CDH13: variants seen among roughly 807,000 people sequenced by gnomAD.
CDH13 encodes the protein cadherin 13.
Under a neutral mutation model 63.8 loss-of-function variants are expected in CDH13, and 24 were observed. The ratio of observed to expected loss-of-function variants is 0.38; its 90% CI spans 0.27 to 0.53. The LOEUF (loss-of-function observed/expected upper bound fraction) is 0.53. CDH13 is among the 20% of genes least tolerant of loss of function. The pLI is 0.85. For synonymous variants in CDH13, 503 were observed against 355.3 expected, an observed-to-expected ratio of 1.42 and a Z score of -4.67; for missense variants, 1,049 against 903.1, an observed-to-expected ratio of 1.16 and a Z score of -2.07.
rs987748793 is a variant in CDH13, at chr16:82,745,620, G to A, written c.46-112742G>A. Among the ~76,000 whole-genome samples the A allele has an allele frequency of 2.0e-4, 30 of 152,128 alleles. 1 individual carries two copies. The Middle Eastern group carries it at 0.02, about 103-fold the overall frequency. Reference sequence around the variant, plus strand: ...CTCTGTCTCAAAAAAAAGTCTTACTGTACCATATGTATGTGGTTCCATCAT... The same window carrying A: ...CTCTGTCTCAAAAAAAAGTCTTACTATACCATATGTATGTGGTTCCATCAT... On this transcript the variant is annotated intron_variant, in intron 1 of 13. Coordinates refer to ENST00000567109, the MANE Select transcript of CDH13 (RefSeq NM_001257.5).
chr16:83,576,207 G>C (rs1230035420), intron 7 of CDH13, among the ~76,000 whole-genome samples: 1 of 152,086 alleles, frequency 6.6e-6, no homozygotes, highest in African/African-American at 2.4e-5. Context: ...CCTCCTTTCT[G>C]TCTCTATGGA....
At chr16:82,849,581 T>C (rs1276870106) in intron 1 of CDH13, among the ~76,000 whole-genome samples, 3 of 152,180 alleles carry the variant, frequency 2.0e-5, no homozygotes, top group Non-Finnish European at 4.4e-5. Context: ...ATCCAGAAGA[T>C]CTAGCTAAGA....
intron 6 of CDH13, among the ~76,000 whole-genome samples, chr16:83,355,728 G>A (rs2091038932): frequency 6.6e-6 from 1 of 152,192 alleles, no homozygotes; most frequent in South Asian, 2.1e-4. Flanking sequence ...TGTAGAGCTT[G>A]CAGACGAAAG....
At chr16:83,635,332 C>CTTTTTT (rs71148847) in intron 8 of CDH13, among the ~76,000 whole-genome samples, 8 of 46,732 alleles carry the variant, frequency 1.7e-4, no homozygotes, top group African/African-American at 4.0e-4. Flanking sequence ...CATTTTCTTT[C>CTTTTTT]TTTTTTTTTT....
chr16:82,870,891 T>C (rs2040320947), intron 2 of CDH13, among the ~76,000 whole-genome samples: 1 of 152,244 alleles, frequency 6.6e-6, no homozygotes, highest in Non-Finnish European at 1.5e-5. Flanking sequence ...GGGATGATTG[T>C]AGCTGAAAGC....
chr16:83,232,597 T>C (rs1366944835), intron 5 of CDH13, among the ~76,000 whole-genome samples: 3 of 151,814 alleles, frequency 2.0e-5, no homozygotes, highest in Non-Finnish European at 4.4e-5. Flanking sequence ...CCACACACTT[T>C]GCTCTTGCCT....
intron 1 of CDH13, among the ~76,000 whole-genome samples, chr16:82,639,853 C>A (rs1909167659): frequency 6.6e-6 from 1 of 152,218 alleles, no homozygotes; most frequent in African/African-American, 2.4e-5. Context: ...TTCTGGTGGA[C>A]AGACACTCTC....
intron 2 of CDH13, among the ~76,000 whole-genome samples, chr16:82,928,164 A>ATGTGTGTG (rs5818417): frequency 6.1e-4 from 92 of 151,034 alleles, no homozygotes; most frequent in Middle Eastern, 3.4e-3. Context: ...GCAGTCGTGT[A>ATGTGTGTG]TGTGTGTGTG....
chr16:83,035,940 C>G (rs1005542099), intron 3 of CDH13, among the ~76,000 whole-genome samples: 3 of 152,088 alleles, frequency 2.0e-5, no homozygotes, highest in African/African-American at 7.2e-5. Context: ...ATGTGCTAAA[C>G]CCTGGGTTTA....
intron 7 of CDH13, among the ~76,000 whole-genome samples, chr16:83,515,650 A>G (rs1165015743): frequency 6.6e-6 from 1 of 152,336 alleles, no homozygotes; most frequent in East Asian, 1.9e-4. Flanking sequence ...GAATTTCTAG[A>G]TGTCACAACA....
intron 1 of CDH13, among the ~76,000 whole-genome samples, chr16:82,810,520 C>A (rs2037390444): frequency 6.6e-6 from 1 of 152,130 alleles, no homozygotes; most frequent in Non-Finnish European, 1.5e-5. Flanking sequence ...ATGAGAGATG[C>A]CGAAAATGAC....
At chr16:83,400,715 C>G (rs1458876617) in intron 6 of CDH13, among the ~76,000 whole-genome samples, 1 of 152,148 alleles carries the variant, frequency 6.6e-6, no homozygotes, top group African/African-American at 2.4e-5. Context: ...TAGGTAAATG[C>G]AAGATGGTAC....
At chr16:82,896,467 T>A (rs1268398066) in intron 2 of CDH13, among the ~76,000 whole-genome samples, 1 of 151,602 alleles carries the variant, frequency 6.6e-6, no homozygotes, top group Non-Finnish European at 1.5e-5. Flanking sequence ...GTAATTTTTG[T>A]ATTTTTTTTT....
At chr16:83,078,723 T>A (rs2151557340) in intron 3 of CDH13, among the ~76,000 whole-genome samples, 1 of 152,336 alleles carries the variant, frequency 6.6e-6, no homozygotes, top group East Asian at 1.9e-4. Context: ...GCCAGAAAAA[T>A]GGGAAATTTA....
intron 5 of CDH13, among the ~76,000 whole-genome samples, chr16:83,280,939 A>G (rs2089151369): frequency 1.3e-5 from 2 of 152,218 alleles, no homozygotes; most frequent in Non-Finnish European, 2.9e-5. Flanking sequence ...CTATGGTGTT[A>G]ACAGATGTGC....
At chr16:83,113,575 GAC>G (rs1004807330) in intron 3 of CDH13, among the ~76,000 whole-genome samples, 1 of 152,216 alleles carries the variant, frequency 6.6e-6, no homozygotes, top group Non-Finnish European at 1.5e-5. Context: ...TGGCACTGAC[GAC>G]ACAGTGGCAC....
At position 83,365,872 on chromosome 16, in the gene CDH13, C is replaced by T. The variant is rs556473201; in HGVS notation, c.781+20866C>T. On this transcript the variant is annotated intron_variant, in intron 6 of 13. Coordinates refer to ENST00000567109, the MANE Select transcript of CDH13 (RefSeq NM_001257.5). ...AGAAATAAATCCATTCTGCCAGCAC[C>T]CCAAATGATGCTGGAAAAGGATTTT... Among the ~76,000 whole-genome samples, 450 of 152,092 alleles carry T rather than the reference C, an allele frequency of 3.0e-3. 4 individuals carry two copies. Among genetic ancestry groups the T allele is most frequent in the Non-Finnish European group, 5.2e-3 (353 of 68,014 alleles).
intron 5 of CDH13, among the ~76,000 whole-genome samples, chr16:83,288,974 A>G (rs1416752001): frequency 1.3e-5 from 2 of 152,220 alleles, no homozygotes; most frequent in Non-Finnish European, 2.9e-5. Flanking sequence ...CTGGGCTCCC[A>G]TTAACTGCCT....
At chr16:83,445,060 G>T (rs536970755) in intron 6 of CDH13, among the ~76,000 whole-genome samples, 2 of 152,036 alleles carry the variant, frequency 1.3e-5, no homozygotes, top group Non-Finnish European at 2.9e-5. Context: ...GCCTTTCAGG[G>T]ATTATTTATA....
Sources: gnomAD v4.1 joint callset for allele counts (sites outside exome capture counted in the v4.1 genomes callset) on GRCh38, gnomAD v4.1.1 for gene constraint, MANE v1.5 for transcripts, NCBI Gene and HGNC (gene_info 2026-07-23, HGNC 2026-07-21) for gene names.